The following MARCHF1 variants were observed in gnomAD, a reference collection of about 807,000 sequenced individuals.
MARCHF1 encodes E3 ubiquitin-protein ligase MARCHF1.
In MARCHF1, 40 loss-of-function variants were observed where a neutral mutation model predicts 54.2. The ratio of observed to expected loss-of-function variants is 0.74; its 90% confidence interval spans 0.57 to 0.96. The LOEUF is 0.96. MARCHF1 is among the 40% of genes least tolerant of loss of function. The pLI, the probability that MARCHF1 is intolerant of heterozygous loss-of-function variation, is 0.00. For missense variants in MARCHF1, 586 were observed against 656.5 expected (o/e 0.89, Z 1.17); for synonymous variants, 236 against 236.3 (o/e 1.00, Z 0.01).
intron 5 of MARCHF1, among the ~76,000 whole-genome samples, chr4:163,633,971 C>A (rs973662314): frequency 6.6e-6 from 1 of 152,032 alleles, no homozygotes; most frequent in Non-Finnish European, 1.5e-5. Context: ...AATTTTCAAC[C>A]CAGAATTTCA....
chr4:163,561,504 C>A (rs1433874705), intron 8 of MARCHF1, among the ~76,000 whole-genome samples: 1 of 152,024 alleles, frequency 6.6e-6, no homozygotes, highest in Non-Finnish European at 1.5e-5. Context: ...AAATATATAG[C>A]CAATACATCT....
At chr4:163,812,499 T>C (rs1748420463) in intron 4 of MARCHF1, among the ~76,000 whole-genome samples, 1 of 152,196 alleles carries the variant, frequency 6.6e-6, no homozygotes, top group South Asian at 2.1e-4. Context: ...GGCTCACACC[T>C]GTAATCCCAG....
At chr4:163,799,572 C>A (rs1475786024) in intron 4 of MARCHF1, among the ~76,000 whole-genome samples, 1 of 152,086 alleles carries the variant, frequency 6.6e-6, no homozygotes, top group Non-Finnish European at 1.5e-5. Flanking sequence ...CATATACCCA[C>A]TTACAAATAT....
At chr4:163,900,227 A>C (rs201142705) in intron 3 of MARCHF1, among the ~76,000 whole-genome samples, 2 of 152,288 alleles carry the variant, frequency 1.3e-5, no homozygotes, top group East Asian at 3.9e-4. Context: ...CAGTCTCTCA[A>C]TACACATTTG....
intron 7 of MARCHF1, among the ~76,000 whole-genome samples, chr4:163,598,682 T>C (rs967126163): frequency 6.6e-6 from 1 of 152,194 alleles, no homozygotes; most frequent in African/African-American, 2.4e-5. Flanking sequence ...TGAATGGAGC[T>C]TACAGAACTG....
chr4:163,712,872 C>T (rs1361134196), intron 4 of MARCHF1, among the ~76,000 whole-genome samples: 1 of 152,098 alleles, frequency 6.6e-6, no homozygotes, highest in Non-Finnish European at 1.5e-5. Context: ...ACCAGGAAGT[C>T]TGGAGTCACA....
intron 1 of MARCHF1, chr4:164,189,141 A>C: frequency 1.6e-6 from 1 of 615,600 alleles, no homozygotes; most frequent in Non-Finnish European, 3.0e-6. Context: ...ATCTGCGTGC[A>C]GAAGACTATG....
intron 1 of MARCHF1, among the ~76,000 whole-genome samples, chr4:164,360,750 C>T (rs1235881284): frequency 1.3e-5 from 2 of 152,038 alleles, no homozygotes; most frequent in African/African-American, 4.8e-5. Context: ...GTCTCCAAAA[C>T]TTCTATTGCA....
intron 3 of MARCHF1, 30 bp from the exon 4 acceptor site, chr4:163,854,199 G>C: frequency 7.0e-7 from 1 of 1,438,632 alleles, no homozygotes; most frequent in Non-Finnish European, 9.2e-7. Context: ...CCTGAAACAG[G>C]TCACTTATTT....
chr4:163,731,395 T>G lies in MARCHF1; in HGVS notation c.112-30532A>C, dbSNP rs563894018. On this transcript the variant is annotated intron_variant, in intron 4 of 9. Transcript: ENST00000514618. ...TAAGACACAATGGCTCTCAAGACAG[T>G]GTTCTACAAAGGACATTGATTCTGA... Among the ~76,000 whole-genome samples, 87 of 152,280 alleles carry G rather than the reference T, an allele frequency of 5.7e-4. 2 individuals are homozygous for G. The highest frequency in any genetic ancestry group is 1.9e-3 in the African/African-American group (80 of 41,562).
chr4:163,738,720 A>G (rs1004575004), intron 4 of MARCHF1, among the ~76,000 whole-genome samples: 2 of 152,236 alleles, frequency 1.3e-5, no homozygotes, highest in South Asian at 2.1e-4. Flanking sequence ...TCTTCTGTTC[A>G]GGATTTAGGC....
chr4:163,904,885 T>C (rs2111317925), intron 3 of MARCHF1, among the ~76,000 whole-genome samples: 1 of 152,268 alleles, frequency 6.6e-6, no homozygotes, highest in African/African-American at 2.4e-5. Context: ...ATTCATTGGA[T>C]CATTACATTA....
intron 1 of MARCHF1, among the ~76,000 whole-genome samples, chr4:164,302,626 C>T (rs1734591324): frequency 6.6e-6 from 1 of 151,630 alleles, no homozygotes; most frequent in South Asian, 2.1e-4. Context: ...ACCTGTAATC[C>T]CAGCATGTTG....
intron 1 of MARCHF1, among the ~76,000 whole-genome samples, chr4:164,148,152 C>CAT (rs1257221854): frequency 6.6e-6 from 1 of 151,562 alleles, no homozygotes; most frequent in Non-Finnish European, 1.5e-5. Context: ...AACACACACA[C>CAT]ACACACACAC....
intron 2 of MARCHF1, among the ~76,000 whole-genome samples, chr4:164,100,314 C>T (rs1389652136): frequency 3.9e-5 from 6 of 152,216 alleles, no homozygotes. Flanking sequence ...AGAGAGTCAA[C>T]TCAAGGTTTT....
intron 4 of MARCHF1, among the ~76,000 whole-genome samples, chr4:163,703,350 G>C (rs1371103488): frequency 6.6e-6 from 1 of 151,898 alleles, no homozygotes; most frequent in Non-Finnish European, 1.5e-5. Flanking sequence ...AAGAAAATTG[G>C]TTTGCCTTGC....
At chr4:163,957,208 T>C (rs1228454450) in intron 3 of MARCHF1, among the ~76,000 whole-genome samples, 1 of 152,054 alleles carries the variant, frequency 6.6e-6, no homozygotes, top group East Asian at 1.9e-4. Context: ...TACTACATTC[T>C]AAATCATGCA....
At chr4:163,668,614 C>T (rs1189510416) in intron 5 of MARCHF1, among the ~76,000 whole-genome samples, 1 of 152,110 alleles carries the variant, frequency 6.6e-6, no homozygotes, top group Non-Finnish European at 1.5e-5. Context: ...GACAGATAAA[C>T]AGCAGAGCAT....
At chr4:163,793,013 G>C (rs1033963622) in intron 4 of MARCHF1, among the ~76,000 whole-genome samples, 2 of 152,208 alleles carry the variant, frequency 1.3e-5, no homozygotes, top group Non-Finnish European at 2.9e-5. Context: ...TTGGAGGACT[G>C]AATGCAGTGG....
Sources: allele counts gnomAD v4.1 joint callset (sites outside exome capture counted in the v4.1 genomes callset), GRCh38; gene constraint gnomAD v4.1.1; transcripts MANE v1.5; gene names NCBI Gene and HGNC (gene_info 2026-07-23, HGNC 2026-07-21).